The following MT1G variants were observed in gnomAD, a reference collection of about 807,000 sequenced individuals.
The protein encoded by MT1G is metallothionein-1G.
MT1G carries 8 observed loss-of-function variants against 9.1 expected under a neutral mutation model. That is an observed-to-expected ratio of 0.87 (90% CI 0.51 to 1.58). MT1G has a LOEUF of 1.58. MT1G is among the 40% of genes most tolerant of loss of function. The probability of loss-of-function intolerance (pLI) is 0.00; values close to 1 mark genes in which losing one functional copy is unlikely to be tolerated. For missense variants in MT1G, 79 were observed against 77.3 expected (o/e 1.02, Z -0.08); for synonymous variants, 31 against 28.4 (o/e 1.09, Z -0.29).
intron 1 of MT1G, 29 bp downstream of exon 1, chr16:56,667,937 C>A (rs1338519848): frequency 4.3e-6 from 7 of 1,613,500 alleles, no homozygotes; most frequent in African/African-American, 1.3e-5. Context: ...ATTTGGCATC[C>A]CAAGGCACAG....
rs1030110599 is a variant in MT1G, at chr16:56,666,805, T to C, written c.*74A>G. 3.0e-5 allele frequency: 48 copies of C among 1,581,458 alleles called. No homozygotes were observed. Among genetic ancestry groups the C allele is most frequent in the Non-Finnish European group, 4.0e-5 (47 of 1,163,998 alleles). On this transcript the variant is annotated 3_prime_UTR_variant, in exon 3 of 3. Coordinates refer to ENST00000379811, the MANE Select transcript of MT1G (RefSeq NM_001301267.2). ...AAGGAATGTAGCAAAGGGGTCAAGA[T>C]TGTAGCAAAAAACAAAAAATCCTGG...
rs780858458 is a variant in MT1G at position 56,667,008 on chromosome 16, CG to C, written c.98-39del. The C allele has an allele frequency of 1.6e-5, 26 of 1,611,636 alleles. No individual in the cohort carries two copies. The African/African-American group carries it at 3.2e-4, about 20-fold the overall frequency. On this transcript the variant is annotated intron_variant, in intron 2 of 2. Transcript: ENST00000379811. ...GGAGATTGAGAGGTCAGAGCAGACT[CG>C]ATCAGAGAACTCCCTGCCCCAACAG... is the stretch of plus-strand genomic sequence containing the variant.
chr16:56,668,051 C>A lies in MT1G; in HGVS notation c.-58G>T. The stretch of plus-strand genomic sequence containing the variant: ...GAGAAGGGAAGAGGCAGTGGGTGCA[C>A]GTGGAAGGCGGAGTGGAGCCCAACA... On this transcript the variant is annotated 5_prime_UTR_variant, in exon 1 of 3. Transcript: ENST00000379811. The A allele has an allele frequency of 6.3e-7, 1 of 1,589,528 alleles. No homozygotes were observed. Among genetic ancestry groups the A allele is most frequent in the South Asian group, 1.1e-5 (1 of 90,666 alleles).
In MT1G at chr16:56,666,874, C is replaced by T. The variant is rs1960784856; in HGVS notation, c.*5G>A. The stretch of plus-strand genomic sequence containing the variant: ...TTTGTACTTGGGAGCAGGGCTGTCC[C>T]GACATCAGGCGCAGCAGCTGCACTT... On this transcript the variant is annotated 3_prime_UTR_variant, in exon 3 of 3. Transcript: ENST00000379811. 16 of 1,614,068 alleles carry T rather than the reference C, an allele frequency of 9.9e-6. No homozygotes were observed. Among genetic ancestry groups the T allele is most frequent in the African/African-American group, 2.7e-5 (2 of 74,950 alleles).
At position 56,668,009 on chromosome 16, in the gene MT1G, G is replaced by A. The variant is rs763913552; in HGVS notation, c.-16C>T. The A allele has an allele frequency of 5.6e-6, 9 of 1,613,664 alleles. No individual in the cohort carries two copies. The East Asian group carries it at 1.6e-4, about 28-fold the overall frequency. On this transcript the variant is annotated 5_prime_UTR_variant, in exon 1 of 3. Coordinates refer to ENST00000379811, the MANE Select transcript of MT1G (RefSeq NM_001301267.2). ...TGGGGTCCATTGCAACCCGAGGCGA[G>A]ACTAGAGTTCCCAAGCGAGAAGGGA...
At chr16:56,667,264 C>G in intron 2 of MT1G, 48 bp downstream of exon 2, 2 of 1,614,194 alleles carry the variant, frequency 1.2e-6, no homozygotes, top group South Asian at 1.1e-5. Flanking sequence ...GGGTTCCCTC[C>G]CAACCTTAGC....
At position 56,667,311 on chromosome 16, in the gene MT1G, C is replaced by T. The variant is rs1274866820; in HGVS notation, c.97+1G>A. 6 of 1,614,172 alleles carry T rather than the reference C, an allele frequency of 3.7e-6. No individual in the cohort carries two copies. Among genetic ancestry groups the T allele is most frequent in the Non-Finnish European group, 5.1e-6 (6 of 1,180,060 alleles). ...ATTCCTGGAGATGGCCCCGCACTCACTCTTCTTGCAGGAGGTGCATTTGCA... is the reference window on the plus strand; with the variant it reads ...ATTCCTGGAGATGGCCCCGCACTCATTCTTCTTGCAGGAGGTGCATTTGCA... On this transcript the variant is annotated splice_donor_variant, in intron 2 of 2. Coordinates refer to ENST00000379811, the MANE Select transcript of MT1G (RefSeq NM_001301267.2). LOFTEE classifies it high-confidence loss of function.
rs1331033520 is a variant in MT1G at position 56,668,010 on chromosome 16, A to G, written c.-17T>C. ...GGGGTCCATTGCAACCCGAGGCGAG[A>G]CTAGAGTTCCCAAGCGAGAAGGGAA... On this transcript the variant is annotated 5_prime_UTR_variant, in exon 1 of 3. Coordinates refer to ENST00000379811, the MANE Select transcript of MT1G (RefSeq NM_001301267.2). 1.9e-6 allele frequency: 3 copies of G among 1,613,544 alleles called. No individual in the cohort carries two copies. Among genetic ancestry groups the G allele is most frequent in the Non-Finnish European group, 1.7e-6 (2 of 1,179,694 alleles).
intron 2 of MT1G, 117 bp from the exon 3 acceptor site, chr16:56,667,087 G>T (rs1471660224): frequency 2.5e-6 from 4 of 1,579,116 alleles, no homozygotes; most frequent in Non-Finnish European, 3.5e-6. Flanking sequence ...ATGATGGCAT[G>T]GTTTTTGTCA....
At chr16:56,667,483 GAGCTCCTTTCCC>G in intron 1 of MT1G, 103 bp from the exon 2 acceptor site, 2 of 1,505,302 alleles carry the variant, frequency 1.3e-6, no homozygotes, top group Non-Finnish European at 1.8e-6. Context: ...CCAGCCCTCA[GAGCTCCTTTCCC>G]ACTCAGAGCA....
chr16:56,667,148 C>T, intron 2 of MT1G, 164 bp downstream of exon 2: 2 of 1,540,328 alleles, frequency 1.3e-6, no homozygotes, highest in Non-Finnish European at 1.8e-6. Context: ...AAAGCTGCCC[C>T]ACCTCACATA....
At chr16:56,667,147 C>G (rs1960792026) in intron 2 of MT1G, 165 bp downstream of exon 2, 2 of 1,540,870 alleles carry the variant, frequency 1.3e-6, no homozygotes, top group East Asian at 4.6e-5. Context: ...GAAAGCTGCC[C>G]CACCTCACAT....
chr16:56,667,207 A>G (rs1960793687), intron 2 of MT1G, 105 bp downstream of exon 2: 3 of 1,602,190 alleles, frequency 1.9e-6, no homozygotes, highest in East Asian at 4.5e-5. Context: ...ACCTACAGGG[A>G]CAAAGGAAGG....
intron 1 of MT1G, 44 bp downstream of exon 1, chr16:56,667,922 T>C (rs1299853213): frequency 6.2e-7 from 1 of 1,611,888 alleles, no homozygotes; most frequent in African/African-American, 1.3e-5. Context: ...CTATGGTGTC[T>C]GGGAATTTGG....
chr16:56,667,239 C>T, intron 2 of MT1G, 73 bp downstream of exon 2: 1 of 1,613,342 alleles, frequency 6.2e-7, no homozygotes, highest in East Asian at 2.2e-5. Context: ...GAAGCACGCA[C>T]TCAGGGACAG....
chr16:56,667,477 C>G (rs1208028079), intron 1 of MT1G, 97 bp from the exon 2 acceptor site: 5 of 1,519,564 alleles, frequency 3.3e-6, no homozygotes, highest in South Asian at 1.2e-5. Context: ...GCAGAGCCAG[C>G]CCTCAGAGCT....
At chr16:56,667,406 G>T in intron 1 of MT1G, 26 bp from the exon 2 acceptor site, 1 of 1,613,988 alleles carries the variant, frequency 6.2e-7, no homozygotes, top group Non-Finnish European at 8.5e-7. Flanking sequence ...CCAGTGAACG[G>T]TGAGTGAGAT....
chr16:56,666,791 C>T lies in MT1G; in HGVS notation c.*88G>A. 1 of 1,530,142 alleles carries T rather than the reference C, an allele frequency of 6.5e-7. No individual in the cohort carries two copies. The highest frequency in any genetic ancestry group is 8.8e-7 in the Non-Finnish European group (1 of 1,134,672). 94.8% of individuals were successfully genotyped at this position (1,530,142 alleles called of 1,614,324 possible). On this transcript the variant is annotated 3_prime_UTR_variant, in exon 3 of 3. Transcript: ENST00000379811. Reference sequence around the variant, plus strand: ...ATTTCACAGAAAAAAAGGAATGTAGCAAAGGGGTCAAGATTGTAGCAAAAA... The same window carrying T: ...ATTTCACAGAAAAAAAGGAATGTAGTAAAGGGGTCAAGATTGTAGCAAAAA...
At position 56,668,037 on chromosome 16, in the gene MT1G, A is replaced by C; in HGVS notation, c.-44T>G. 1.2e-6 allele frequency: 2 copies of C among 1,608,404 alleles called. No individual in the cohort carries two copies. Among genetic ancestry groups the C allele is most frequent in the Non-Finnish European group, 1.7e-6 (2 of 1,175,168 alleles). On this transcript the variant is annotated 5_prime_UTR_variant, in exon 1 of 3. Coordinates refer to ENST00000379811, the MANE Select transcript of MT1G (RefSeq NM_001301267.2). ...TAGAGTTCCCAAGCGAGAAGGGAAGAGGCAGTGGGTGCACGTGGAAGGCGG... is the reference window on the plus strand; with the variant it reads ...TAGAGTTCCCAAGCGAGAAGGGAAGCGGCAGTGGGTGCACGTGGAAGGCGG...
Sources: gnomAD v4.1 joint callset for allele counts on GRCh38, gnomAD v4.1.1 for gene constraint, MANE v1.5 for transcripts, NCBI Gene and HGNC (gene_info 2026-07-23, HGNC 2026-07-21) for gene names.